Variants in GSK3B observed in about 807,000 individuals in gnomAD.
GSK3B encodes glycogen synthase kinase-3 beta.
A neutral mutation model predicts 56.4 loss-of-function variants in GSK3B; 15 were observed. The ratio of observed to expected loss-of-function variants is 0.27; its 90% CI spans 0.18 to 0.41. GSK3B has a LOEUF of 0.41. GSK3B is among the 10% of genes least tolerant of loss of function. The pLI, the probability that GSK3B is intolerant of heterozygous loss-of-function variation, is 1.00. For missense variants in GSK3B, 300 were observed against 513.4 expected, an observed-to-expected ratio of 0.58 and a Z score of 4.02; for synonymous variants, 181 against 188.9, an observed-to-expected ratio of 0.96 and a Z score of 0.34.
At chr3:120,048,544 G>A (rs893096889) in intron 1 of GSK3B, among the ~76,000 whole-genome samples, 3 of 152,054 alleles carry the variant, frequency 2.0e-5, no homozygotes, top group Non-Finnish European at 4.4e-5. Context: ...TGTTAAGCAG[G>A]GATAATAGAA....
At chr3:119,993,412 A>G (rs1431972819) in intron 2 of GSK3B, among the ~76,000 whole-genome samples, 1 of 152,124 alleles carries the variant, frequency 6.6e-6, no homozygotes, top group African/African-American at 2.4e-5. Flanking sequence ...GAACCTAACT[A>G]CTTCAAATTA....
chr3:120,045,973 C>T (rs996858604), intron 1 of GSK3B, among the ~76,000 whole-genome samples: 2 of 152,024 alleles, frequency 1.3e-5, no homozygotes, highest in Non-Finnish European at 1.5e-5. Context: ...GAAAGAACCA[C>T]GTCTAAAAAG....
In GSK3B at chr3:119,910,982, A is replaced by T. The variant is rs1444946080; in HGVS notation, c.715+1722T>A. Among the ~76,000 whole-genome samples the T allele has an allele frequency of 2.0e-5, 3 of 152,188 alleles. No homozygotes were observed. In the East Asian group the frequency reaches 5.8e-4, roughly 29 times the overall value. Reference sequence around the variant, plus strand: ...TTCTAGTTCTCTTGCTAGTTCCACAACATCTGCAGAGACTTCCTTCACTGA... The same window carrying T: ...TTCTAGTTCTCTTGCTAGTTCCACATCATCTGCAGAGACTTCCTTCACTGA... On this transcript the variant is annotated intron_variant, in intron 6 of 10. Coordinates refer to ENST00000264235, the MANE Select transcript of GSK3B (RefSeq NM_001146156.2).
At chr3:119,981,184 C>A (rs1473394955) in intron 2 of GSK3B, among the ~76,000 whole-genome samples, 3 of 152,180 alleles carry the variant, frequency 2.0e-5, no homozygotes, top group Admixed American at 2.0e-4. Flanking sequence ...CCCAAACTTA[C>A]AAGGTTTTCA....
chr3:120,006,054 T>A (rs1313875576), intron 1 of GSK3B, among the ~76,000 whole-genome samples: 1 of 151,912 alleles, frequency 6.6e-6, no homozygotes, highest in Non-Finnish European at 1.5e-5. Flanking sequence ...AAGACACACA[T>A]AGGCTCAAAA....
intron 2 of GSK3B, among the ~76,000 whole-genome samples, chr3:119,958,263 A>G (rs540399634): frequency 2.4e-4 from 37 of 152,186 alleles, no homozygotes; most frequent in African/African-American, 8.9e-4. Flanking sequence ...GAACCAATTA[A>G]ACATCTTTCC....
At chr3:120,025,241 G>A (rs1423695712) in intron 1 of GSK3B, among the ~76,000 whole-genome samples, 6 of 152,184 alleles carry the variant, frequency 3.9e-5, no homozygotes, top group Non-Finnish European at 7.4e-5. Context: ...CTACTTGGGA[G>A]GTTGAGGCAT....
At position 119,976,198 on chromosome 3, in the gene GSK3B, T is replaced by C. The variant is rs183308374; in HGVS notation, c.282+25848A>G. On this transcript the variant is annotated intron_variant, in intron 2 of 10. Coordinates refer to ENST00000264235, the MANE Select transcript of GSK3B (RefSeq NM_001146156.2). ...CAAACTGTTAATCATTTAATCACTT[T>C]ATGGGCCTGTGATTCCATTCCTAGG... is the stretch of plus-strand genomic sequence containing the variant. Among the ~76,000 whole-genome samples, 4 of 152,316 alleles carry C rather than the reference T, an allele frequency of 2.6e-5. No homozygotes were observed. In the East Asian group the frequency reaches 7.7e-4, roughly 29 times the overall value.
intron 8 of GSK3B, among the ~76,000 whole-genome samples, chr3:119,864,013 C>G (rs1233477740): frequency 6.6e-6 from 1 of 152,086 alleles, no homozygotes; most frequent in East Asian, 1.9e-4. Flanking sequence ...TAATGATGAG[C>G]AGCACTGTTC....
At position 120,047,701 on chromosome 3, in the gene GSK3B, C is replaced by T. The variant is rs1408207697; in HGVS notation, c.89-45462G>A. Among the ~76,000 whole-genome samples, 4 of 152,110 alleles carry T rather than the reference C, an allele frequency of 2.6e-5. No homozygotes were observed. In the East Asian group the frequency reaches 7.7e-4, roughly 29 times the overall value. On this transcript the variant is annotated intron_variant, in intron 1 of 10. Coordinates refer to ENST00000264235, the MANE Select transcript of GSK3B (RefSeq NM_001146156.2). ...CAATGGAACAGAATGATGAGCAAAACCAAGTTTAAACTCCATTAGGGAAGA... is the reference window on the plus strand; with the variant it reads ...CAATGGAACAGAATGATGAGCAAAATCAAGTTTAAACTCCATTAGGGAAGA...
intron 7 of GSK3B, among the ~76,000 whole-genome samples, chr3:119,877,889 C>T (rs369384384): frequency 6.6e-6 from 1 of 152,112 alleles, no homozygotes; most frequent in African/African-American, 2.4e-5. Flanking sequence ...AGAAATACCA[C>T]ATATTACTCA....
intron 7 of GSK3B, among the ~76,000 whole-genome samples, chr3:119,881,222 A>G (rs912634442): frequency 3.3e-5 from 5 of 152,176 alleles, no homozygotes; most frequent in Non-Finnish European, 7.3e-5. Context: ...ACACAACATG[A>G]CTGCCTTAAA....
intron 1 of GSK3B, among the ~76,000 whole-genome samples, chr3:120,077,569 A>G (rs1321732871): frequency 1.3e-5 from 2 of 152,124 alleles, no homozygotes; most frequent in Non-Finnish European, 2.9e-5. Flanking sequence ...TCTAATGTAC[A>G]ACATGAAGAC....
chr3:119,909,837 A>G (rs913139828), intron 6 of GSK3B, among the ~76,000 whole-genome samples: 6 of 152,130 alleles, frequency 3.9e-5, no homozygotes, highest in Non-Finnish European at 8.8e-5. Context: ...AGTTCCTCCT[A>G]TCACTAAACA....
chr3:119,833,840 G>GC (rs377514105), intron 10 of GSK3B, among the ~76,000 whole-genome samples: 233 of 151,772 alleles, frequency 1.5e-3, no homozygotes, highest in Middle Eastern at 3.4e-3. Context: ...AAACAGGCAC[G>GC]CACCACCATG....
chr3:120,053,439 G>C (rs1297519443), intron 1 of GSK3B, among the ~76,000 whole-genome samples: 3 of 152,122 alleles, frequency 2.0e-5, no homozygotes, highest in Admixed American at 6.5e-5. Context: ...TTCATTCAAA[G>C]AACAATTCTA....
At chr3:119,941,798 G>A (rs1342834411) in intron 3 of GSK3B, among the ~76,000 whole-genome samples, 1 of 152,136 alleles carries the variant, frequency 6.6e-6, no homozygotes, top group East Asian at 1.9e-4. Context: ...CTGTGCAGAT[G>A]GCGGGGAGGA....
intron 1 of GSK3B, chr3:120,028,906 AG>A (rs1559882831): frequency 7.6e-6 from 4 of 527,446 alleles, no homozygotes; most frequent in African/African-American, 5.8e-5. Flanking sequence ...AAAAGCACCC[AG>A]GAAGGCTGAA....
chr3:119,954,222 G>GAGAATAGAATAGAAT lies in GSK3B; in HGVS notation c.283-6886_283-6872dup, dbSNP rs1262281777. ...CAGCACTGAGAAGGAAGTGTGGAAG[G>GAGAATAGAATAGAAT]AGAATAGAATAGAATAGAATAGAAT... On this transcript the variant is annotated intron_variant, in intron 2 of 10. Transcript: ENST00000264235. Among the ~76,000 whole-genome samples, 547 of 101,420 alleles carry GAGAATAGAATAGAAT rather than the reference G, an allele frequency of 5.4e-3. 30 individuals are homozygous for GAGAATAGAATAGAAT. The highest frequency in any genetic ancestry group is 0.019 in the East Asian group (58 of 3,098). 66.5% of individuals were successfully genotyped at this position (101,420 alleles called of 152,430 possible). A position where few individuals can be genotyped will look rare whatever the true frequency, so the allele number is the denominator to read the frequency against.
Sources: allele counts gnomAD v4.1 joint callset (sites outside exome capture counted in the v4.1 genomes callset), GRCh38; gene constraint gnomAD v4.1.1; transcripts MANE v1.5; gene names NCBI Gene and HGNC (gene_info 2026-07-23, HGNC 2026-07-21).